The following WDR25 variants were observed in gnomAD, a reference collection of about 807,000 sequenced individuals.
The protein encoded by WDR25 is WD repeat domain 25, also known as WD repeat-containing protein 25.
WDR25 carries 35 observed loss-of-function variants against 47.7 expected under a neutral mutation model. The ratio of observed to expected loss-of-function variants is 0.73; its 90% CI spans 0.56 to 0.97. The LOEUF (loss-of-function observed/expected upper bound fraction) is 0.97. Among genes scored for constraint, WDR25 ranks in the 50% least tolerant of loss-of-function variants. The probability of loss-of-function intolerance (pLI) is 0.00; values close to 1 mark genes in which losing one functional copy is unlikely to be tolerated. For synonymous variants in WDR25, 248 were observed against 278.9 expected (o/e 0.89, Z 1.10); for missense variants, 634 against 704.7 (o/e 0.90, Z 1.14).
Position 100,449,983 on chromosome 14 carries a change from G to A in WDR25, c.823-18038G>A, listed in dbSNP as rs561996310. The stretch of plus-strand genomic sequence containing the variant: ...CTTCTCTAAACTGGGCATTCAGTGC[G>A]TCCACAGTCCGGCGGCCCAGGCCTG... On this transcript the variant is annotated intron_variant, in intron 2 of 6. Transcript: ENST00000402312. This position sits in a 1 kb window ranked among gnomAD's most constrained non-coding sequence, Gnocchi z 4.2. Among the ~76,000 whole-genome samples, 7 of 152,252 alleles carry A rather than the reference G, an allele frequency of 4.6e-5. No homozygotes were observed. The highest frequency in any genetic ancestry group is 4.1e-4 in the South Asian group (2 of 4,826).
rs1330258459 is a variant in WDR25 at position 100,430,510 on chromosome 14, T to C, written c.823-37511T>C. On this transcript the variant is annotated intron_variant, in intron 2 of 6. Transcript: ENST00000402312. The surrounding 1 kb of genome is among the most constrained non-coding windows in gnomAD (Gnocchi z 4.7). ...ACGTCAGATGGCGCCTGGCACAAAG[T>C]AGGTGCTCACTCATTGGGTGTTGGA... Among the ~76,000 whole-genome samples, 2 of 152,126 alleles carry C rather than the reference T, an allele frequency of 1.3e-5. No individual in the cohort carries two copies. The highest frequency in any genetic ancestry group is 2.9e-5 in the Non-Finnish European group (2 of 68,010).
chr14:100,389,236 C>T (rs999654496), intron 2 of WDR25, among the ~76,000 whole-genome samples: 3 of 152,204 alleles, frequency 2.0e-5, no homozygotes, highest in African/African-American at 4.8e-5. Flanking sequence ...TGACCATGAA[C>T]ATTTTGCAAG....
chr14:100,441,202 C>G (rs766206627), intron 2 of WDR25, among the ~76,000 whole-genome samples: 5 of 152,192 alleles, frequency 3.3e-5, no homozygotes, highest in African/African-American at 4.8e-5. Context: ...TCATTTACCA[C>G]ACAGTCATCA....
chr14:100,467,955 G>T (rs1484458449), intron 2 of WDR25, 66 bp from the exon 3 acceptor site: 3 of 1,601,016 alleles, frequency 1.9e-6, no homozygotes, highest in Non-Finnish European at 2.6e-6. Context: ...CTACAGTGGG[G>T]TCGAGCTGAG....
At chr14:100,458,406 A>G (rs1049944304) in intron 2 of WDR25, among the ~76,000 whole-genome samples, 1 of 152,190 alleles carries the variant, frequency 6.6e-6, no homozygotes, top group Non-Finnish European at 1.5e-5. Flanking sequence ...TCTAAAATAC[A>G]TGAAGCAATA....
At chr14:100,479,952 A>T (rs1027235140) in intron 3 of WDR25, among the ~76,000 whole-genome samples, 1 of 152,178 alleles carries the variant, frequency 6.6e-6, no homozygotes, top group Non-Finnish European at 1.5e-5. Context: ...GAGGTGGGAC[A>T]GTTTCATCCC....
intron 2 of WDR25, among the ~76,000 whole-genome samples, chr14:100,383,150 G>A (rs1896943426): frequency 6.6e-6 from 1 of 152,206 alleles, no homozygotes; most frequent in Admixed American, 6.5e-5. Flanking sequence ...CTGGAGTCCT[G>A]AAGTGGCTTG....
chr14:100,484,685 AGTT>A (rs76670474), intron 4 of WDR25, among the ~76,000 whole-genome samples: 2,531 of 152,150 alleles, frequency 0.017, 24 homozygotes, highest in Non-Finnish European at 0.025. Context: ...GCTCCACCCT[AGTT>A]GTTCAGGCCA....
rs1247372690 is a variant in WDR25, at chr14:100,381,665, C to A, written c.741C>A (p.Gly247=). The A allele has an allele frequency of 6.2e-7, 1 of 1,614,208 alleles. No individual in the cohort carries two copies. Among genetic ancestry groups the A allele is most frequent in the Admixed American group, 1.7e-5 (1 of 60,030 alleles). The stretch of plus-strand genomic sequence containing the variant: ...TTTTCCACCTGAGAGGCCACAGGGG[C>A]CCTGTCAACACCATTCAGTGGTGTC... The part of the protein sequence containing the change: ...KVLFHLRGHR[G]PVNTIQWCPV... Residue 247 remains glycine (G), a synonymous_variant, in exon 2 of 7, where the codon GGC becomes GGA. Transcript: ENST00000402312.
At chr14:100,442,415 C>T (rs1237719900) in intron 2 of WDR25, among the ~76,000 whole-genome samples, 2 of 152,168 alleles carry the variant, frequency 1.3e-5, no homozygotes, top group African/African-American at 2.4e-5. Flanking sequence ...GATCACACAT[C>T]TAGCATTGTG....
intron 5 of WDR25, among the ~76,000 whole-genome samples, chr14:100,528,546 A>C (rs1455642084): frequency 6.6e-6 from 1 of 151,216 alleles, no homozygotes; most frequent in Non-Finnish European, 1.5e-5. Context: ...GCTGGGATAC[A>C]GGCGTGAGCC....
At chr14:100,451,459 A>G (rs1899029642) in intron 2 of WDR25, among the ~76,000 whole-genome samples, 1 of 152,078 alleles carries the variant, frequency 6.6e-6, no homozygotes, top group African/African-American at 2.4e-5. Flanking sequence ...GGCTCAAACG[A>G]TCTGCCCGCC....
chr14:100,423,514 G>A (rs1898084152), intron 2 of WDR25, among the ~76,000 whole-genome samples: 2 of 152,132 alleles, frequency 1.3e-5, no homozygotes, highest in African/African-American at 2.4e-5. Context: ...TTTAGGAAAC[G>A]TGTTGAACCA....
chr14:100,431,397 G>GCA (rs1898329162), intron 2 of WDR25, among the ~76,000 whole-genome samples: 1 of 152,158 alleles, frequency 6.6e-6, no homozygotes. Flanking sequence ...GATAAAAGCA[G>GCA]TTAAAGGATT....
rs140860893 is a variant in WDR25 at position 100,380,972 on chromosome 14, T to C, written c.48T>C (p.Asp16=). Residue 16 remains aspartate (D), a synonymous_variant, in exon 2 of 7, where the codon GAT becomes GAC. Coordinates refer to ENST00000402312, the MANE Select transcript of WDR25 (RefSeq NM_001161476.3). ...LSLMASLVAY[D]DSDSEAETEH... is the part of the protein sequence containing the mutation. Reference sequence around the variant, plus strand: ...TAATGGCTTCATTGGTAGCGTATGATGATTCGGACTCGGAGGCTGAGACAG... The same window carrying C: ...TAATGGCTTCATTGGTAGCGTATGACGATTCGGACTCGGAGGCTGAGACAG... 81 of 1,614,256 alleles carry C rather than the reference T, an allele frequency of 5.0e-5. No homozygotes were observed. In the African/African-American group the frequency reaches 9.2e-4, roughly 18 times the overall value.
In WDR25 at chr14:100,498,915, G is replaced by A. The variant is rs542188126; in HGVS notation, c.1101+14791G>A. On this transcript the variant is annotated intron_variant, in intron 4 of 6. Transcript: ENST00000402312. This position sits in a 1 kb window ranked among gnomAD's most constrained non-coding sequence, Gnocchi z 4.2. ...TCTCTTACTTGGCCTGAGTGGGGCT[G>A]TGAGCCGATGAGAGGGCTTGTCGTG... 8.5e-5 allele frequency among the ~76,000 whole-genome samples: 13 copies of A among 152,328 alleles called. No individual in the cohort carries two copies. The South Asian group carries it at 2.7e-3, about 32-fold the overall frequency.
chr14:100,456,538 A>T (rs1483161789), intron 2 of WDR25, among the ~76,000 whole-genome samples: 1 of 152,218 alleles, frequency 6.6e-6, no homozygotes, highest in Non-Finnish European at 1.5e-5. Context: ...TGAGCTTATT[A>T]AGAAGAGACA....
chr14:100,443,248 T>G (rs1466930055), intron 2 of WDR25, among the ~76,000 whole-genome samples: 2 of 152,252 alleles, frequency 1.3e-5, no homozygotes, highest in Non-Finnish European at 2.9e-5. Flanking sequence ...CATGATCTGC[T>G]GGGTAAGAGA....
chr14:100,513,919 G>A (rs1901397326), intron 4 of WDR25, among the ~76,000 whole-genome samples: 1 of 151,102 alleles, frequency 6.6e-6, no homozygotes. Context: ...ATTATTGTTA[G>A]CATGGCATAT....
Sources: gnomAD v4.1 joint callset for allele counts (sites outside exome capture counted in the v4.1 genomes callset) on GRCh38, gnomAD v4.1.1 for gene constraint, Gnocchi (gnomAD v3.1) non-coding constraint, MANE v1.5 for transcripts, NCBI Gene and HGNC (gene_info 2026-07-23, HGNC 2026-07-21) for gene names.